LIM2: variants seen among roughly 807,000 people sequenced by gnomAD.
The protein encoded by LIM2 is lens intrinsic membrane protein 2.
A neutral mutation model predicts 19.0 loss-of-function variants in LIM2; 14 were observed. The observed-to-expected ratio is 0.74, with a 90% CI of 0.49 to 1.15. LIM2 has a LOEUF of 1.15. Among genes scored for constraint, LIM2 ranks in the 50% most tolerant of loss-of-function variants. The pLI is 0.00. For missense variants in LIM2, 230 were observed against 243.5 expected (o/e 0.94, Z 0.37); for synonymous variants, 78 against 89.6 (o/e 0.87, Z 0.73).
Position 51,380,274 on chromosome 19 carries a change from G to A in LIM2, c.461-12C>T, listed in dbSNP as rs745784278. On this transcript the variant is annotated splice_polypyrimidine_tract_variant and intron_variant, in intron 4 of 4. Coordinates refer to ENST00000596399, the MANE Select transcript of LIM2 (RefSeq NM_001161748.2). The stretch of plus-strand genomic sequence containing the variant: ...CATGTAGAAAATCCCTGCATGAGAA[G>A]AAGTTCAAATTCACCCCCTCAAACC... 6.2e-7 allele frequency: 1 copy of A among 1,613,002 alleles called. No individual in the cohort carries two copies. The highest frequency in any genetic ancestry group is 1.1e-5 in the South Asian group (1 of 90,948).
intron 2 of LIM2, among the ~76,000 whole-genome samples, chr19:51,383,052 T>G (rs1986944129): frequency 1.8e-5 from 2 of 111,250 alleles, no homozygotes; most frequent in African/African-American, 5.0e-5. Context: ...TTTTTTTTTT[T>G]GAGACCGAGT....
At chr19:51,387,077 C>A in intron 2 of LIM2, 192 bp downstream of exon 2, 1 of 1,023,906 alleles carries the variant, frequency 9.8e-7, no homozygotes, top group Non-Finnish European at 1.5e-6. Context: ...CAAACCAGCA[C>A]CCCGTGAAAC....
chr19:51,380,403 C>T, intron 4 of LIM2, 102 bp downstream of exon 4: 3 of 1,589,412 alleles, frequency 1.9e-6, no homozygotes, highest in Admixed American at 1.7e-5. Context: ...TTCCTCCTGA[C>T]CCAGTGCTGT....
At chr19:51,387,557 G>A in intron 1 of LIM2, 108 bp from the exon 2 acceptor site, 1 of 1,498,898 alleles carries the variant, frequency 6.7e-7, no homozygotes, top group Non-Finnish European at 9.1e-7. Context: ...CTTGGGAGAA[G>A]GAGATGGAGA....
intron 2 of LIM2, 119 bp downstream of exon 2, chr19:51,387,150 T>C: frequency 6.3e-7 from 1 of 1,596,194 alleles, no homozygotes; most frequent in Non-Finnish European, 8.6e-7. Flanking sequence ...GACCTTGGGT[T>C]GCTCCCTTTC....
rs1446502349 is a variant in LIM2, at chr19:51,387,327, G to C, written c.117C>G (p.His39Gln). ...MQYRLSGSFA[H>Q]QGLWRYCLGN... ...CCAGGCAGTACCGCCACAGGCCCTGGTGGGCGAAGGACCCTGACAGCCGGT... is the reference window on the plus strand; with the variant it reads ...CCAGGCAGTACCGCCACAGGCCCTGCTGGGCGAAGGACCCTGACAGCCGGT... The change falls in exon 2 of 5, where the codon CAC becomes CAG. Residue 39 changes from histidine (H) to glutamine (Q), a missense_variant. Transcript: ENST00000596399. 17 of 1,614,184 alleles carry C rather than the reference G, an allele frequency of 1.1e-5. No individual in the cohort carries two copies. The highest frequency in any genetic ancestry group is 1.4e-5 in the Non-Finnish European group (17 of 1,180,038).
At chr19:51,381,555 C>T (rs562493014) in intron 3 of LIM2, among the ~76,000 whole-genome samples, 7 of 152,228 alleles carry the variant, frequency 4.6e-5, no homozygotes, top group African/African-American at 1.4e-4. Flanking sequence ...TCCCTGGCTC[C>T]ACAGGAAGAA....
In LIM2 at chr19:51,380,000, T is replaced by G. The variant is rs1056273146; in HGVS notation, c.*201A>C. On this transcript the variant is annotated 3_prime_UTR_variant, in exon 5 of 5. Coordinates refer to ENST00000596399, the MANE Select transcript of LIM2 (RefSeq NM_001161748.2). ...CCTGCCAGGCAGACGGGGACTTGAGTCTTCTCAGCTCCCTCCCATGGGCCC... is the reference window on the plus strand; with the variant it reads ...CCTGCCAGGCAGACGGGGACTTGAGGCTTCTCAGCTCCCTCCCATGGGCCC... The G allele has an allele frequency of 3.3e-5, 20 of 610,550 alleles. No individual in the cohort carries two copies. Among genetic ancestry groups the G allele is most frequent in the Non-Finnish European group, 5.5e-5 (19 of 343,086 alleles). The allele number at this position is 610,550 out of a possible 1,614,324, so 37.8% of individuals were successfully genotyped here. A position where few individuals can be genotyped will look rare whatever the true frequency, so the allele number is the denominator to read the frequency against.
chr19:51,382,802 C>T (rs1390192823), intron 2 of LIM2, among the ~76,000 whole-genome samples: 1 of 152,098 alleles, frequency 6.6e-6, no homozygotes, highest in African/African-American at 2.4e-5. Flanking sequence ...TCATCTTCAC[C>T]CACGGCTAAG....
chr19:51,380,209 G>A lies in LIM2; in HGVS notation c.514C>T (p.Pro172Ser). 1.2e-6 allele frequency: 2 copies of A among 1,613,778 alleles called. No homozygotes were observed. The highest frequency in any genetic ancestry group is 1.7e-6 in the Non-Finnish European group (2 of 1,179,882). The change falls in exon 5 of 5, where the codon CCC (proline) becomes TCC (serine). Residue 172 changes from proline (P) to serine (S), a missense_variant. By Grantham distance (74) the Pro-to-Ser change is moderately conservative. Coordinates refer to ENST00000596399, the MANE Select transcript of LIM2 (RefSeq NM_001161748.2). ...RVHECRRLST[P>S]R The stretch of plus-strand genomic sequence containing the variant: ...GGGGGACACATTTGGGCTCAGCGGG[G>A]TGTAGACAGGCGCCGGCATTCATGC...
chr19:51,387,772 C>G (rs918758174), intron 1 of LIM2, 147 bp downstream of exon 1: 2 of 395,958 alleles, frequency 5.1e-6, no homozygotes, highest in African/African-American at 4.1e-5. Context: ...AGAAGGGGCC[C>G]AGGAGCCTGG....
Position 51,382,507 on chromosome 19 carries a change from A to G in LIM2, c.236T>C (p.Ile79Thr), listed in dbSNP as rs1389064501. The change falls in exon 3 of 5, where the codon ATC becomes ACC. Residue 79 changes from isoleucine (I) to threonine (T), a missense_variant. Transcript: ENST00000596399. ...AGCGAAGGCCATGATGCCCATGATG[A>G]TGCCGGAGATGGCGCATAGGGCAGA... is the stretch of plus-strand genomic sequence containing the variant. Reference protein sequence around the residue: ...ILSALCAISGIIMGIMAFAHQ... With the variant: ...ILSALCAISGTIMGIMAFAHQ... The G allele has an allele frequency of 6.2e-7, 1 of 1,613,828 alleles. No homozygotes were observed. Among genetic ancestry groups the G allele is most frequent in the East Asian group, 2.2e-5 (1 of 44,876 alleles).
intron 2 of LIM2, chr19:51,386,998 A>C: frequency 2.8e-6 from 2 of 706,298 alleles, no homozygotes; most frequent in South Asian, 3.0e-5. Context: ...GTTTCGTGAC[A>C]CTAGCCCCAA....
In LIM2 at chr19:51,380,623, C is replaced by G; in HGVS notation, c.342G>C (p.Leu114Phe). 6.2e-7 allele frequency: 1 copy of G among 1,613,994 alleles called. No individual in the cohort carries two copies. The highest frequency in any genetic ancestry group is 1.1e-5 in the South Asian group (1 of 91,068). The change falls in exon 4 of 5, where the codon TTG becomes TTC. Residue 114 changes from leucine (L) to phenylalanine (F), a missense_variant. Physicochemically the swap from Leu to Phe is conservative, Grantham distance 22. Coordinates refer to ENST00000596399, the MANE Select transcript of LIM2 (RefSeq NM_001161748.2). ...TGACTCCAGTGTAGATGGCCAAGGC[C>G]AACACGACGAAAAGGGCTGGGGAGA... ...MFFSSTLFVV[L>F]ALAIYTGVTV...
rs763225535 is a variant in LIM2 at position 51,382,406 on chromosome 19, G to A, written c.325+12C>T. On this transcript the variant is annotated intron_variant, in intron 3 of 4. Coordinates refer to ENST00000596399, the MANE Select transcript of LIM2 (RefSeq NM_001161748.2). ...GCGAGGAGAGGGGTAGGGAGAGGGTGGGCTTACTCACTTGAGGAAAAAAAC... is the reference window on the plus strand; with the variant it reads ...GCGAGGAGAGGGGTAGGGAGAGGGTAGGCTTACTCACTTGAGGAAAAAAAC... 1.5e-5 allele frequency: 25 copies of A among 1,613,384 alleles called. No homozygotes were observed. In the South Asian group the frequency reaches 2.0e-4, roughly 13 times the overall value.
At chr19:51,380,783 A>T in intron 3 of LIM2, 144 bp from the exon 4 acceptor site, 2 of 855,910 alleles carry the variant, frequency 2.3e-6, no homozygotes, top group Non-Finnish European at 1.8e-6. Context: ...GAGTGAGGAT[A>T]GGGGTTGAGT....
chr19:51,382,312 G>A, intron 3 of LIM2, 106 bp downstream of exon 3: 2 of 1,315,442 alleles, frequency 1.5e-6, no homozygotes, highest in Non-Finnish European at 2.2e-6. Context: ...GGGTGGGGTT[G>A]AGTGTGAGGA....
rs377529736 is a variant in LIM2 at position 51,384,871 on chromosome 19, A to G, written c.176-2304T>C. 7.9e-5 allele frequency among the ~76,000 whole-genome samples: 12 copies of G among 151,730 alleles called. No homozygotes were observed. The South Asian group carries it at 2.5e-3, about 32-fold the overall frequency. ...TTTTGATTATTTATTTTATCTTATT[A>G]TTATTTTTTGAGACAGGGTCTTGCT... On this transcript the variant is annotated intron_variant, in intron 2 of 4. Coordinates refer to ENST00000596399, the MANE Select transcript of LIM2 (RefSeq NM_001161748.2).
chr19:51,382,296 A>AGGGTG, intron 3 of LIM2, 122 bp downstream of exon 3: 1 of 1,078,586 alleles, frequency 9.3e-7, no homozygotes, highest in Non-Finnish European at 1.3e-6. Context: ...GGATGGGATT[A>AGGGTG]GGGTGGGGTG....
Sources: allele counts gnomAD v4.1 joint callset (sites outside exome capture counted in the v4.1 genomes callset), GRCh38; gene constraint gnomAD v4.1.1; transcripts MANE v1.5; gene names NCBI Gene and HGNC (gene_info 2026-07-23, HGNC 2026-07-21).